Variants in TMPO observed in about 807,000 individuals in gnomAD.
TMPO encodes thymopoietin.
A neutral mutation model predicts 45.4 loss-of-function variants in TMPO; 22 were observed. The ratio of observed to expected loss-of-function variants is 0.48; its 90% CI spans 0.35 to 0.69. TMPO has a LOEUF of 0.69. Ranked by LOEUF, TMPO falls within the 30% of genes least tolerant of loss-of-function variation. The pLI is 0.01. For missense variants in TMPO, 512 were observed against 548.8 expected, an observed-to-expected ratio of 0.93 and a Z score of 0.67; for synonymous variants, 241 against 204.1, an observed-to-expected ratio of 1.18 and a Z score of -1.54.
intron 6 of TMPO, 43 bp downstream of exon 6, chr12:98,544,580 A>G (rs1878108866): frequency 6.6e-7 from 1 of 1,508,546 alleles, no homozygotes; most frequent in Admixed American, 1.7e-5. Flanking sequence ...TTCTTTGTAA[A>G]TTACCCTTTA....
At chr12:98,517,366 T>C (rs1161346085) in intron 1 of TMPO, among the ~76,000 whole-genome samples, 1 of 152,232 alleles carries the variant, frequency 6.6e-6, no homozygotes, top group Non-Finnish European at 1.5e-5. Flanking sequence ...TGCTTATGCC[T>C]GCCGAGTTAC....
intron 2 of TMPO, among the ~76,000 whole-genome samples, chr12:98,531,445 G>A (rs1173214275): frequency 6.6e-6 from 1 of 151,692 alleles, no homozygotes; most frequent in African/African-American, 2.4e-5. Flanking sequence ...GTGTTGGCCA[G>A]GCTGGTCTCG....
At chr12:98,530,177 A>T (rs75853081) in intron 2 of TMPO, among the ~76,000 whole-genome samples, 4 of 144,288 alleles carry the variant, frequency 2.8e-5, no homozygotes, top group Non-Finnish European at 6.1e-5. Context: ...GTCTCTATTT[A>T]AAAAAAAAAA....
At chr12:98,533,523 C>A (rs755437160) in intron 3 of TMPO, 2 of 1,614,100 alleles carry the variant, frequency 1.2e-6, no homozygotes, top group South Asian at 2.2e-5. Flanking sequence ...AAACTGAATT[C>A]CTGTCTCCTC....
chr12:98,544,490 A>T lies in TMPO; in HGVS notation c.832A>T (p.Ser278Cys). 1 of 1,613,972 alleles carries T rather than the reference A, an allele frequency of 6.2e-7. No individual in the cohort carries two copies. Among genetic ancestry groups the T allele is most frequent in the African/African-American group, 1.3e-5 (1 of 75,050 alleles). ...FRIDGPVISESTPIAETIMAS... is the reference protein window; with the variant it reads ...FRIDGPVISECTPIAETIMAS... ...TATAGATGGTCCAGTAATTTCAGAG[A>T]GTACTCCCATAGCTGAAACTATAAT... The change falls in exon 6 of 9, where the codon AGT (serine) becomes TGT (cysteine). Residue 278 changes from serine to cysteine, a missense_variant. Physicochemically the swap from Ser to Cys is moderately radical, Grantham distance 112. Transcript: ENST00000556029.
intron 3 of TMPO, 74 bp downstream of exon 3, chr12:98,531,912 T>G: frequency 7.7e-7 from 1 of 1,296,728 alleles, no homozygotes; most frequent in Non-Finnish European, 1.1e-6. Context: ...ATGAAGAAAG[T>G]AAAATTTAAA....
chr12:98,518,470 CTTTTTTTTTTTT>C (rs11437786), intron 1 of TMPO, among the ~76,000 whole-genome samples: 2 of 83,518 alleles, frequency 2.4e-5, no homozygotes, highest in Non-Finnish European at 4.4e-5. Context: ...ATTTTCTAAT[CTTTTTTTTTTTT>C]TTTTTTTTTT....
intron 3 of TMPO, chr12:98,534,551 CAATTT>C (rs1877452654): frequency 5.9e-6 from 8 of 1,358,672 alleles, no homozygotes; most frequent in Non-Finnish European, 6.6e-6. Flanking sequence ...CTGGTACAAA[CAATTT>C]AACGCTTTCT....
In TMPO at chr12:98,547,790, G is replaced by A. The variant is rs368843309; in HGVS notation, c.1297G>A (p.Ala433Thr). The A allele has an allele frequency of 2.1e-5, 34 of 1,613,928 alleles. No individual in the cohort carries two copies. The highest frequency in any genetic ancestry group is 2.9e-5 in the Non-Finnish European group (34 of 1,180,022). Residue 433 changes from alanine (A) to threonine (T), a missense_variant, in exon 9 of 9, where the codon GCT becomes ACT. This residue lies in a region of TMPO where 209 missense variants were observed against 235.1 expected (regional missense o/e 0.89). Transcript: ENST00000556029. ...AGTTTTTTTGTTTTTGGTCTATCAA[G>A]CTATGGAAACCAACCAAGTAAATCC... ...VAVFLFLVYQ[A>T]METNQVNPFS...
At chr12:98,525,356 A>G (rs145448648) in intron 1 of TMPO, among the ~76,000 whole-genome samples, 127 of 152,250 alleles carry the variant, frequency 8.3e-4, no homozygotes, top group Non-Finnish European at 1.6e-3. Context: ...ATGAGCAGCT[A>G]TTTTTTTGGT....
In TMPO at chr12:98,533,125, A is replaced by G. The variant is rs534940271; in HGVS notation, c.565+1287A>G. On this transcript the variant is annotated intron_variant, in intron 3 of 8. Transcript: ENST00000556029. The stretch of plus-strand genomic sequence containing the variant: ...GTCTAGCCATGATAGGTGTTTAGAG[A>G]AAAGTTCTTCGTCATCTTCTCAGCC... The G allele has an allele frequency of 3.3e-5, 54 of 1,614,128 alleles. No homozygotes were observed. In the East Asian group the frequency reaches 1.1e-3, roughly 33 times the overall value.
At position 98,533,925 on chromosome 12, in the gene TMPO, C is replaced by T. The variant is rs1877390421; in HGVS notation, c.565+2087C>T. ...CTCCACTAGGAGGTATTCAAGCAGC[C>T]TCCACTGAGTCTTGCAATCAGCAGT... On this transcript the variant is annotated intron_variant, in intron 3 of 8. Transcript: ENST00000556029. 1 of 1,614,102 alleles carries T rather than the reference C, an allele frequency of 6.2e-7. No homozygotes were observed. The highest frequency in any genetic ancestry group is 8.5e-7 in the Non-Finnish European group (1 of 1,179,986).
intron 3 of TMPO, among the ~76,000 whole-genome samples, chr12:98,536,896 T>G (rs1164314751): frequency 6.6e-6 from 1 of 152,206 alleles, no homozygotes; most frequent in Non-Finnish European, 1.5e-5. Context: ...ACAAGATTCC[T>G]TCTTTACCTG....
In TMPO at chr12:98,547,736, A is replaced by G. The variant is rs754266846; in HGVS notation, c.1243A>G (p.Ile415Val). The change falls in exon 9 of 9, where the codon ATA (isoleucine) becomes GTA (valine). Residue 415 changes from isoleucine to valine, a missense_variant. Around this residue, in one of 3 missense-constraint regions of TMPO, gnomAD observed 209 missense variants for 235.1 expected, o/e 0.89. Coordinates refer to ENST00000556029, the MANE Select transcript of TMPO (RefSeq NM_001032283.3). ...AAAGGGACGCTCCATTCCCGTATGG[A>G]TAAAAATTTTGCTGTTTGTTGTTGT... ...TKKGRSIPVW[I>V]KILLFVVVAV... is the part of the protein sequence containing the mutation. 1.2e-6 allele frequency: 2 copies of G among 1,614,212 alleles called. No individual in the cohort carries two copies. The highest frequency in any genetic ancestry group is 1.7e-5 in the Admixed American group (1 of 60,034).
chr12:98,544,591 A>C (rs1405985280), intron 6 of TMPO, 54 bp downstream of exon 6: 1 of 1,429,506 alleles, frequency 7.0e-7, no homozygotes, highest in Non-Finnish European at 9.8e-7. Flanking sequence ...TTACCCTTTA[A>C]TTGGAAATGG....
At chr12:98,536,312 AACTG>A (rs1383822838) in intron 3 of TMPO, among the ~76,000 whole-genome samples, 2 of 152,218 alleles carry the variant, frequency 1.3e-5, no homozygotes, top group Non-Finnish European at 1.5e-5. Context: ...TAGAAATAAC[AACTG>A]ACTAATTTTG....
At chr12:98,544,177 T>C (rs1324644737) in intron 4 of TMPO, 53 bp from the exon 5 acceptor site, 3 of 1,604,716 alleles carry the variant, frequency 1.9e-6, no homozygotes, top group South Asian at 1.1e-5. Context: ...ATGGCCGTTA[T>C]TAAAGTATTT....
intron 1 of TMPO, among the ~76,000 whole-genome samples, chr12:98,523,680 T>G (rs1876550354): frequency 6.6e-6 from 1 of 152,206 alleles, no homozygotes; most frequent in Non-Finnish European, 1.5e-5. Context: ...TTTTCTTTCT[T>G]TCTTTTTTTT....
In TMPO at chr12:98,548,684, T is replaced by G. The variant is rs1472733049; in HGVS notation, c.*826T>G. On this transcript the variant is annotated 3_prime_UTR_variant, in exon 9 of 9. Transcript: ENST00000556029. ...GCTACCAAAATATGTTTTAGATAAG[T>G]GTGTGTATGTTTGTTTAGAAGTTAG... 6.6e-6 allele frequency: 1 copy of G among 152,252 alleles called. No homozygotes were observed. Among genetic ancestry groups the G allele is most frequent in the Non-Finnish European group, 1.5e-5 (1 of 68,034 alleles). 9.4% of individuals were successfully genotyped at this position (152,252 alleles called of 1,614,324 possible). A position where few individuals can be genotyped will look rare whatever the true frequency, so the allele number is the denominator to read the frequency against.
Sources: gnomAD v4.1 joint callset for allele counts (sites outside exome capture counted in the v4.1 genomes callset) on GRCh38, gnomAD v4.1.1 for gene constraint, gnomAD v4.1.1 regional missense constraint, MANE v1.5 for transcripts, NCBI Gene and HGNC (gene_info 2026-07-23, HGNC 2026-07-21) for gene names.